Variants in ZFPM2 observed in about 807,000 individuals in gnomAD.
ZFPM2 encodes the protein zinc finger protein ZFPM2.
In ZFPM2, 20 loss-of-function variants were observed where a neutral mutation model predicts 98.6. That is an observed-to-expected ratio of 0.20 (90% CI 0.14 to 0.29). The LOEUF is 0.29. Ranked by LOEUF, ZFPM2 falls within the 10% of genes least tolerant of loss-of-function variation. The pLI, the probability that ZFPM2 is intolerant of heterozygous loss-of-function variation, is 1.00. For missense variants in ZFPM2, 1,310 were observed against 1,388.6 expected (o/e 0.94, Z 0.90); for synonymous variants, 518 against 502.7 (o/e 1.03, Z -0.41).
Position 105,432,311 on chromosome 8 carries a change from TG to T in ZFPM2, c.200-11968del, listed in dbSNP as rs1812036845. 2.0e-5 allele frequency among the ~76,000 whole-genome samples: 3 copies of T among 152,146 alleles called. No individual in the cohort carries two copies. In the South Asian group the frequency reaches 6.2e-4, roughly 32 times the overall value. ...GGAGAAAGAAATGTTAGCCCTTATT[TG>T]TGAGCTCTGAGAGTCATTCATCATT... is the stretch of plus-strand genomic sequence containing the variant. On this transcript the variant is annotated intron_variant, in intron 2 of 7. Coordinates refer to ENST00000407775, the MANE Select transcript of ZFPM2 (RefSeq NM_012082.4).
At chr8:105,412,441 A>G (rs865980174) in intron 1 of ZFPM2, among the ~76,000 whole-genome samples, 2 of 151,818 alleles carry the variant, frequency 1.3e-5, no homozygotes, top group Admixed American at 6.6e-5. Flanking sequence ...CCCAAAATCA[A>G]TTATATATAA....
intron 1 of ZFPM2, among the ~76,000 whole-genome samples, chr8:105,374,720 ACT>A (rs1201135176): frequency 2.0e-5 from 3 of 151,936 alleles, no homozygotes; most frequent in Non-Finnish European, 4.4e-5. Context: ...CTATAACAAA[ACT>A]CTGGTTAAGT....
Position 105,457,023 on chromosome 8 carries a change from T to G in ZFPM2, c.301+12642T>G, listed in dbSNP as rs542871646. 9.2e-5 allele frequency among the ~76,000 whole-genome samples: 14 copies of G among 152,348 alleles called. 1 individual carries two copies. In the South Asian group the frequency reaches 2.9e-3, roughly 32 times the overall value. The stretch of plus-strand genomic sequence containing the variant: ...TAACTTTGGTTTATCAAATAGCTTA[T>G]GATTTTTGTGAGGTTTATCATTTGT... On this transcript the variant is annotated intron_variant, in intron 3 of 7. Transcript: ENST00000407775.
At chr8:105,715,409 A>AAG (rs1491500345) in intron 5 of ZFPM2, among the ~76,000 whole-genome samples, 1 of 54,902 alleles carries the variant, frequency 1.8e-5, no homozygotes, top group Non-Finnish European at 4.1e-5. Flanking sequence ...CCATCTCTTG[A>AAG]AAAAAAAAAA....
At chr8:105,630,970 T>C (rs1816745294) in intron 4 of ZFPM2, among the ~76,000 whole-genome samples, 1 of 152,082 alleles carries the variant, frequency 6.6e-6, no homozygotes, top group Non-Finnish European at 1.5e-5. Context: ...ACCAGGATGG[T>C]TGTTCACCCT....
intron 3 of ZFPM2, among the ~76,000 whole-genome samples, chr8:105,520,884 G>C (rs1251134970): frequency 6.9e-6 from 1 of 145,582 alleles, no homozygotes; most frequent in African/African-American, 2.4e-5. Flanking sequence ...GGGAGGGCTG[G>C]GGCCTTAAAG....
chr8:105,661,388 G>A (rs1048881819), intron 5 of ZFPM2, among the ~76,000 whole-genome samples: 30 of 152,212 alleles, frequency 2.0e-4, no homozygotes, highest in Non-Finnish European at 2.1e-4. Flanking sequence ...TATTCATTGG[G>A]CTTTTAAAAT....
intron 1 of ZFPM2, among the ~76,000 whole-genome samples, chr8:105,402,410 T>G (rs1175829790): frequency 6.6e-6 from 1 of 152,014 alleles, no homozygotes; most frequent in Non-Finnish European, 1.5e-5. Context: ...TCTTTAAACA[T>G]GTGGAAGACA....
At chr8:105,687,627 T>C in intron 5 of ZFPM2, among the ~76,000 whole-genome samples, 1 of 152,146 alleles carries the variant, frequency 6.6e-6, no homozygotes, top group East Asian at 1.9e-4. Context: ...CCTGACATAA[T>C]ATTTGGACTT....
chr8:105,788,256 T>C (rs758735292), intron 5 of ZFPM2, among the ~76,000 whole-genome samples: 2 of 152,144 alleles, frequency 1.3e-5, no homozygotes, highest in Non-Finnish European at 2.9e-5. Flanking sequence ...ATTGATAGGA[T>C]GGAAGTATTT....
In ZFPM2 at chr8:105,653,934, A is replaced by C. The variant is rs369149334; in HGVS notation, c.532+19577A>C. Reference sequence around the variant, plus strand: ...AAATGGGATTATAGAAAAGAAAAGAAAAGAAAATGCTGCTCTACTCTACTT... The same window carrying C: ...AAATGGGATTATAGAAAAGAAAAGACAAGAAAATGCTGCTCTACTCTACTT... On this transcript the variant is annotated intron_variant, in intron 5 of 7. Transcript: ENST00000407775. 8.1e-5 allele frequency among the ~76,000 whole-genome samples: 12 copies of C among 148,930 alleles called. No homozygotes were observed. The South Asian group carries it at 2.6e-3, about 32-fold the overall frequency.
At chr8:105,351,365 GTGTGTGTGTGTGTGTGTT>G in intron 1 of ZFPM2, among the ~76,000 whole-genome samples, 1 of 150,864 alleles carries the variant, frequency 6.6e-6, no homozygotes. Flanking sequence ...GTGTGTGTGT[GTGTGTGTGTGTGTGTGTT>G]TGTGTGTGTG....
chr8:105,406,697 G>A (rs773281918), intron 1 of ZFPM2, among the ~76,000 whole-genome samples: 28 of 151,942 alleles, frequency 1.8e-4, no homozygotes, highest in Admixed American at 2.6e-4. Context: ...TGATTCCTGG[G>A]TCCTATCCTA....
intron 1 of ZFPM2, among the ~76,000 whole-genome samples, chr8:105,410,010 T>A (rs1353763909): frequency 6.6e-6 from 1 of 151,846 alleles, no homozygotes; most frequent in African/African-American, 2.4e-5. Context: ...GAATGTTTTA[T>A]CAATAATTAA....
chr8:105,729,923 G>A (rs761489178), intron 5 of ZFPM2, among the ~76,000 whole-genome samples: 1 of 150,466 alleles, frequency 6.6e-6, no homozygotes, highest in Non-Finnish European at 1.5e-5. Context: ...AATATATAAT[G>A]TGCATAATAT....
rs192153002 is a variant in ZFPM2, at chr8:105,476,177, C to T, written c.301+31796C>T. Among the ~76,000 whole-genome samples the T allele has an allele frequency of 1.1e-4, 17 of 152,290 alleles. No homozygotes were observed. The East Asian group carries it at 2.9e-3, about 26-fold the overall frequency. On this transcript the variant is annotated intron_variant, in intron 3 of 7. Coordinates refer to ENST00000407775, the MANE Select transcript of ZFPM2 (RefSeq NM_012082.4). ...TCCTCAGAGCCATTTGATGACCTCC[C>T]CATTACTCTCCCGTAGTCCACTGGA...
chr8:105,734,881 T>A (rs1812032277), intron 5 of ZFPM2, among the ~76,000 whole-genome samples: 1 of 151,484 alleles, frequency 6.6e-6, no homozygotes, highest in South Asian at 2.1e-4. Context: ...ATGAGGCTTA[T>A]AATTTTTGCA....
chr8:105,344,749 A>G (rs900224415), intron 1 of ZFPM2, among the ~76,000 whole-genome samples: 4 of 152,034 alleles, frequency 2.6e-5, no homozygotes, highest in Non-Finnish European at 4.4e-5. Flanking sequence ...AAATACCTCA[A>G]AGAGAAAGAT....
intron 5 of ZFPM2, among the ~76,000 whole-genome samples, chr8:105,705,485 C>G (rs979873249): frequency 1.3e-4 from 20 of 152,006 alleles, no homozygotes; most frequent in African/African-American, 4.8e-4. Context: ...TAAAGATGAC[C>G]AAATAATTTA....
Sources: allele counts gnomAD v4.1 joint callset (sites outside exome capture counted in the v4.1 genomes callset), GRCh38; gene constraint gnomAD v4.1.1; transcripts MANE v1.5; gene names NCBI Gene and HGNC (gene_info 2026-07-23, HGNC 2026-07-21).